UTRN: variants seen among roughly 807,000 people sequenced by gnomAD.
The protein encoded by UTRN is utrophin, also known as dystrophin-related protein 1.
UTRN carries 283 observed loss-of-function variants against 463.9 expected under a neutral mutation model. That is an observed-to-expected ratio of 0.61 (90% CI 0.55 to 0.67). UTRN has a LOEUF of 0.67. Among genes scored for constraint, UTRN ranks in the 30% least tolerant of loss-of-function variants. The probability of loss-of-function intolerance (pLI) is 0.00; values close to 1 mark genes in which losing one functional copy is unlikely to be tolerated. For missense variants in UTRN, 3,922 were observed against 4,084.3 expected (o/e 0.96, Z 1.08); for synonymous variants, 1,442 against 1,431.5 (o/e 1.01, Z -0.17).
At chr6:144,849,632 T>C (rs1463004566) in intron 74 of UTRN, among the ~76,000 whole-genome samples, 3 of 152,150 alleles carry the variant, frequency 2.0e-5, no homozygotes, top group Non-Finnish European at 4.4e-5. Flanking sequence ...CATTTTTTCA[T>C]GTCTTGGGTC....
At chr6:144,696,092 T>C (rs1449138376) in intron 52 of UTRN, among the ~76,000 whole-genome samples, 1 of 152,216 alleles carries the variant, frequency 6.6e-6, no homozygotes, top group Non-Finnish European at 1.5e-5. Flanking sequence ...TAGAGAAGAT[T>C]AACCTTTAAC....
chr6:144,545,282 T>C (rs1388094975), intron 46 of UTRN, among the ~76,000 whole-genome samples: 8 of 152,254 alleles, frequency 5.3e-5, no homozygotes, highest in Admixed American at 2.6e-4. Flanking sequence ...ATTCCTCTGA[T>C]AGCAGATAGA....
intron 65 of UTRN, among the ~76,000 whole-genome samples, chr6:144,815,327 A>G (rs919970053): frequency 6.6e-6 from 1 of 152,234 alleles, no homozygotes; most frequent in Non-Finnish European, 1.5e-5. Flanking sequence ...TTATAAAAGT[A>G]TGTATTAGGC....
intron 32 of UTRN, among the ~76,000 whole-genome samples, chr6:144,493,088 A>G (rs1260133405): frequency 1.3e-5 from 2 of 152,212 alleles, no homozygotes; most frequent in Admixed American, 6.5e-5. Flanking sequence ...CATAAACTCT[A>G]TTAGTTTATT....
intron 9 of UTRN, among the ~76,000 whole-genome samples, chr6:144,431,757 G>A (rs1785871451): frequency 6.6e-6 from 1 of 152,008 alleles, no homozygotes; most frequent in South Asian, 2.1e-4. Flanking sequence ...TGATCTCCAG[G>A]GGTTATTTTA....
At chr6:144,477,452 G>A (rs1562460144) in intron 25 of UTRN, among the ~76,000 whole-genome samples, 1 of 151,846 alleles carries the variant, frequency 6.6e-6, no homozygotes, top group Admixed American at 6.6e-5. Context: ...ATGATAAAAA[G>A]GAACAGCTGT....
At chr6:144,413,541 C>T (rs958871284) in intron 3 of UTRN, among the ~76,000 whole-genome samples, 37 of 152,034 alleles carry the variant, frequency 2.4e-4, no homozygotes, top group Non-Finnish European at 1.6e-4. Context: ...AGGAAAGACC[C>T]ACCCCCATGA....
intron 11 of UTRN, 73 bp from the exon 12 acceptor site, chr6:144,438,672 G>A (rs1786824236): frequency 3.8e-6 from 6 of 1,577,242 alleles, no homozygotes; most frequent in African/African-American, 2.7e-5. Context: ...TGTATCTCCG[G>A]TGCCCAGAAT....
At chr6:144,801,514 A>G (rs1168309028) in intron 64 of UTRN, among the ~76,000 whole-genome samples, 1 of 152,142 alleles carries the variant, frequency 6.6e-6, no homozygotes, top group Non-Finnish European at 1.5e-5. Context: ...CTTTCTATCA[A>G]GCTTCTACCC....
At chr6:144,419,193 C>T (rs973584276) in intron 3 of UTRN, among the ~76,000 whole-genome samples, 2 of 152,184 alleles carry the variant, frequency 1.3e-5, no homozygotes, top group Non-Finnish European at 2.9e-5. Flanking sequence ...GGGGACTTTC[C>T]CCTCAAGGGG....
At chr6:144,533,554 C>G (rs1187269308) in intron 43 of UTRN, among the ~76,000 whole-genome samples, 1 of 152,044 alleles carries the variant, frequency 6.6e-6, no homozygotes. Context: ...GTTGAAATAA[C>G]TGAAACTCCA....
chr6:144,662,949 T>C (rs1463005108), intron 51 of UTRN, among the ~76,000 whole-genome samples: 1 of 152,206 alleles, frequency 6.6e-6, no homozygotes, highest in East Asian at 1.9e-4. Flanking sequence ...ATAAGAATGT[T>C]TGGCATGTGG....
intron 10 of UTRN, among the ~76,000 whole-genome samples, chr6:144,436,532 G>A (rs11756766): frequency 6.6e-6 from 1 of 151,840 alleles, no homozygotes; most frequent in African/African-American, 2.4e-5. Flanking sequence ...GTCATACCCA[G>A]GGTTCCTGTA....
chr6:144,611,340 C>G (rs1805502406), intron 51 of UTRN, among the ~76,000 whole-genome samples: 1 of 152,160 alleles, frequency 6.6e-6, no homozygotes, highest in East Asian at 1.9e-4. Context: ...AACTTCTGTT[C>G]AGCATAGTAC....
In UTRN at chr6:144,828,827, A is replaced by G. The variant is rs746119451; in HGVS notation, c.9637A>G (p.Thr3213Ala). 1 of 1,613,488 alleles carries G rather than the reference A, an allele frequency of 6.2e-7. No homozygotes were observed. Among genetic ancestry groups the G allele is most frequent in the Admixed American group, 1.7e-5 (1 of 59,974 alleles). ...GGAAAGGACTAATGGGTCTTTTCTC[A>G]CTGATAGCAGCTCCACCACAGGAAG... ...QMERTNGSFL[T>A]DSSSTTGSVE... The change falls in exon 69 of 75, where the codon ACT becomes GCT. Residue 3213 changes from threonine (T) to alanine (A), a missense_variant. Transcript: ENST00000367545.
chr6:144,307,858 G>A (rs1805884720), intron 2 of UTRN, among the ~76,000 whole-genome samples: 1 of 150,864 alleles, frequency 6.6e-6, no homozygotes, highest in Non-Finnish European at 1.5e-5. Flanking sequence ...GCTTCATCAA[G>A]CTCAGGTGGA....
chr6:144,343,623 G>A (rs1397842918), intron 2 of UTRN, among the ~76,000 whole-genome samples: 1 of 152,114 alleles, frequency 6.6e-6, no homozygotes, highest in Non-Finnish European at 1.5e-5. Context: ...CTAAATGGTG[G>A]CCTCTTCTCT....
At position 144,415,797 on chromosome 6, in the gene UTRN, G is replaced by A. The variant is rs182584482; in HGVS notation, c.142-6081G>A. On this transcript the variant is annotated intron_variant, in intron 3 of 74. Transcript: ENST00000367545. ...GCAAAGAGATCAGTTGGCTGGAGCT[G>A]GAGTTCAGGCAATAGATAATGGCGG... Among the ~76,000 whole-genome samples, 45 of 152,266 alleles carry A rather than the reference G, an allele frequency of 3.0e-4. No homozygotes were observed. The Middle Eastern group carries it at 0.014, about 46-fold the overall frequency.
rs1585502397 is a variant in UTRN at position 144,601,830 on chromosome 6, A to G, written c.7479+24542A>G. Among the ~76,000 whole-genome samples the G allele has an allele frequency of 2.6e-5, 4 of 152,316 alleles. No homozygotes were observed. The South Asian group carries it at 6.2e-4, about 24-fold the overall frequency. The stretch of plus-strand genomic sequence containing the variant: ...CAGGAAGAATCAGTGAATGGAGCAG[A>G]CATCATTGCTGTCTTATTTTAAGAA... On this transcript the variant is annotated intron_variant, in intron 51 of 74. Transcript: ENST00000367545.
Sources: gnomAD v4.1 joint callset for allele counts (sites outside exome capture counted in the v4.1 genomes callset) on GRCh38, gnomAD v4.1.1 for gene constraint, MANE v1.5 for transcripts, NCBI Gene and HGNC (gene_info 2026-07-23, HGNC 2026-07-21) for gene names.